The following GDF1 variants were observed in gnomAD, a reference collection of about 807,000 sequenced individuals.
GDF1 encodes the protein embryonic growth/differentiation factor 1.
In GDF1, 8 loss-of-function variants were observed where a neutral mutation model predicts 7.4. The ratio of observed to expected loss-of-function variants is 1.09; its 90% confidence interval spans 0.64 to 1.96. GDF1 has a LOEUF of 1.96. GDF1 is among the 30% of genes most tolerant of loss of function. GDF1 has a pLI of 0.00. For synonymous variants in GDF1, 311 were observed against 276.7 expected, an observed-to-expected ratio of 1.12 and a Z score of -1.23; for missense variants, 574 against 551.5, an observed-to-expected ratio of 1.04 and a Z score of -0.41.
chr19:18,872,515 ATT>A (rs1006396798), intron 6 of GDF1, among the ~76,000 whole-genome samples: 44 of 125,822 alleles, frequency 3.5e-4, no homozygotes, highest in African/African-American at 8.1e-4. Flanking sequence ...GCCCGGGGTA[ATT>A]TTTTTTTTTT....
rs2056124922 is a variant in GDF1, at chr19:18,879,049, G to A, written c.-422-10C>T. On this transcript the variant is annotated splice_polypyrimidine_tract_variant and intron_variant, in intron 5 of 7. Coordinates refer to ENST00000247005, the MANE Select transcript of GDF1 (RefSeq NM_001492.6). ...CAAACGCCACGATGTACTGCGAGAGGGGAGGGGAGGTGCCAGTGAGAAGAA... is the reference window on the plus strand; with the variant it reads ...CAAACGCCACGATGTACTGCGAGAGAGGAGGGGAGGTGCCAGTGAGAAGAA... 1.2e-6 allele frequency: 2 copies of A among 1,612,720 alleles called. No individual in the cohort carries two copies. Among genetic ancestry groups the A allele is most frequent in the East Asian group, 2.2e-5 (1 of 44,860 alleles).
intron 2 of GDF1, among the ~76,000 whole-genome samples, chr19:18,888,163 C>G (rs1364373408): frequency 6.6e-6 from 1 of 152,080 alleles, no homozygotes; most frequent in African/African-American, 2.4e-5. Flanking sequence ...AGTTCAAGAC[C>G]AGCCTGGCCA....
intron 2 of GDF1, 27 bp from the exon 3 acceptor site, chr19:18,884,294 G>C (rs773444988): frequency 1.3e-6 from 2 of 1,593,030 alleles, no homozygotes; most frequent in Non-Finnish European, 1.7e-6. Context: ...CTCACAGTCA[G>C]GGCCCTGCGA....
At chr19:18,889,975 A>G (rs573253706) in intron 2 of GDF1, among the ~76,000 whole-genome samples, 12 of 152,032 alleles carry the variant, frequency 7.9e-5, no homozygotes, top group African/African-American at 2.7e-4. Flanking sequence ...CCTCAGCTCA[A>G]TCCTGGTGGG....
intron 1 of GDF1, among the ~76,000 whole-genome samples, chr19:18,894,286 C>T (rs1351553205): frequency 1.3e-5 from 2 of 151,940 alleles, no homozygotes; most frequent in Non-Finnish European, 2.9e-5. Flanking sequence ...CAGAGCTGCC[C>T]GGCCAAGCCC....
chr19:18,886,609 G>C (rs929849501), intron 2 of GDF1, among the ~76,000 whole-genome samples: 1 of 152,128 alleles, frequency 6.6e-6, no homozygotes, highest in African/African-American at 2.4e-5. Context: ...GCCATGCTGT[G>C]CTCTGCCCAC....
chr19:18,887,336 T>C (rs1476385510), intron 2 of GDF1, among the ~76,000 whole-genome samples: 1 of 152,184 alleles, frequency 6.6e-6, no homozygotes, highest in Non-Finnish European at 1.5e-5. Flanking sequence ...GATTGGTGGC[T>C]GCCAGGGGCT....
Position 18,895,442 on chromosome 19 carries a change from G to A in GDF1, c.-1074+382C>T, listed in dbSNP as rs2056601775. Among the ~76,000 whole-genome samples, 1 of 152,086 alleles carries A rather than the reference G, an allele frequency of 6.6e-6. No homozygotes were observed. Among genetic ancestry groups the A allele is most frequent in the Non-Finnish European group, 1.5e-5 (1 of 67,988 alleles). On this transcript the variant is annotated intron_variant, in intron 1 of 7. Transcript: ENST00000247005. This position sits in a 1 kb window ranked among gnomAD's most constrained non-coding sequence, Gnocchi z 6.4. ...GGCCCTGCCGGAAAGAGCGCGCGGT[G>A]GCCGGAGCCATCCACCGCGCGGGGC... is the stretch of plus-strand genomic sequence containing the variant.
intron 2 of GDF1, among the ~76,000 whole-genome samples, chr19:18,885,697 T>A (rs2056338853): frequency 6.6e-6 from 1 of 150,656 alleles, no homozygotes; most frequent in African/African-American, 2.5e-5. Context: ...TTTTTTTTTT[T>A]TTCAGTAGAG....
chr19:18,879,142 G>C (rs1301595463), intron 5 of GDF1, 99 bp downstream of exon 5: 1 of 1,589,534 alleles, frequency 6.3e-7, no homozygotes, highest in Non-Finnish European at 8.6e-7. Flanking sequence ...CGGGCTGTCT[G>C]CCACCTAACG....
intron 6 of GDF1, among the ~76,000 whole-genome samples, chr19:18,875,656 C>G (rs2056047883): frequency 6.6e-6 from 1 of 152,148 alleles, no homozygotes; most frequent in African/African-American, 2.4e-5. Context: ...CCAACCTCGG[C>G]CTTTGTGGCC....
At chr19:18,893,392 C>T (rs749942853) in intron 2 of GDF1, 24 bp downstream of exon 2, 37 of 1,586,290 alleles carry the variant, frequency 2.3e-5, no homozygotes, top group Admixed American at 3.6e-5. Context: ...AGAGCCCTCC[C>T]GGCCATCCCC....
intron 6 of GDF1, among the ~76,000 whole-genome samples, chr19:18,873,997 G>C (rs1001454192): frequency 5.3e-5 from 8 of 152,092 alleles, no homozygotes; most frequent in Admixed American, 5.2e-4. Flanking sequence ...TAGGAATTCT[G>C]CTACAAGGGA....
Position 18,895,939 on chromosome 19 carries a change from G to A in GDF1, c.-1189C>T, listed in dbSNP as rs1222825953. The stretch of plus-strand genomic sequence containing the variant: ...CGCGTGCTCAGCCAGGCCGCGACGC[G>A]CCAGCCCCCAGCCGCAGTCCGTGCA... On this transcript the variant is annotated 5_prime_UTR_variant, in exon 1 of 8. Coordinates refer to ENST00000247005, the MANE Select transcript of GDF1 (RefSeq NM_001492.6). This position sits in a 1 kb window ranked among gnomAD's most constrained non-coding sequence, Gnocchi z 6.4. 2.4e-5 allele frequency: 29 copies of A among 1,185,634 alleles called. No individual in the cohort carries two copies. The highest frequency in any genetic ancestry group is 2.9e-5 in the Non-Finnish European group (28 of 956,364). 73.4% of individuals were successfully genotyped at this position (1,185,634 alleles called of 1,614,324 possible).
intron 2 of GDF1, among the ~76,000 whole-genome samples, chr19:18,890,549 G>T (rs995050115): frequency 6.6e-6 from 1 of 152,032 alleles, no homozygotes; most frequent in Non-Finnish European, 1.5e-5. Context: ...AGGCTGAGGT[G>T]GGAGGACTGC....
intron 3 of GDF1, chr19:18,882,143 C>G (rs1168844799): frequency 1.9e-5 from 3 of 154,254 alleles, no homozygotes; most frequent in Non-Finnish European, 2.9e-5. Context: ...TTCAAATGAA[C>G]TGTTCCTTCC....
At chr19:18,869,904 C>T in intron 7 of GDF1, 79 bp downstream of exon 7, 5 of 1,402,670 alleles carry the variant, frequency 3.6e-6, no homozygotes, top group Non-Finnish European at 3.9e-6. Context: ...GCTGCTCGGG[C>T]ATCCCCGGGC....
Position 18,868,791 on chromosome 19 carries a change from A to G in GDF1, c.925T>C (p.Ser309Pro), listed in dbSNP as rs864622513. The G allele has an allele frequency of 1.1e-4, 166 of 1,461,894 alleles. 2 individuals are homozygous for G. The Admixed American group carries it at 3.5e-3, about 31-fold the overall frequency. The allele number at this position is 1,461,894 out of a possible 1,614,324, so 90.6% of individuals were successfully genotyped here. A position where few individuals can be genotyped will look rare whatever the true frequency, so the allele number is the denominator to read the frequency against. The change falls in exon 8 of 8, where the codon TCC becomes CCC. Residue 309 changes from serine (S) to proline (P), a missense_variant. Coordinates refer to ENST00000247005, the MANE Select transcript of GDF1 (RefSeq NM_001492.6). ...QCALPVALSG[S>P]GGPPALNHAV... ...TGGTTGAGCGCCGGCGGCCCCCCGG[A>G]CCCCGACAGCGCGACGGGCAGCGCG...
In GDF1 at chr19:18,868,896, C is replaced by G. The variant is rs1349040611; in HGVS notation, c.820G>C (p.Val274Leu). The change falls in exon 8 of 8, where the codon GTG becomes CTG. Residue 274 changes from valine (V) to leucine (L), a missense_variant. Transcript: ENST00000247005. ...TGCCAGCCCACCTCGCGGAAGCTCA[C>G]GTACAGCCGCCGCGCGCGACAAGCG... ...GGACRARRLYVSFREVGWHRW... is the reference protein window; with the variant it reads ...GGACRARRLYLSFREVGWHRW... The G allele has an allele frequency of 7.1e-7, 1 of 1,412,824 alleles. No individual in the cohort carries two copies. The highest frequency in any genetic ancestry group is 1.3e-5 in the South Asian group (1 of 79,408). The allele number at this position is 1,412,824 out of a possible 1,614,324, so 87.5% of individuals were successfully genotyped here. A position where few individuals can be genotyped will look rare whatever the true frequency, so the allele number is the denominator to read the frequency against.
Sources: gnomAD v4.1 joint callset for allele counts (sites outside exome capture counted in the v4.1 genomes callset) on GRCh38, gnomAD v4.1.1 for gene constraint, Gnocchi (gnomAD v3.1) non-coding constraint, MANE v1.5 for transcripts, NCBI Gene and HGNC (gene_info 2026-07-23, HGNC 2026-07-21) for gene names.